The following TMEM131 variants were observed in gnomAD, a reference collection of about 807,000 sequenced individuals.
TMEM131 encodes transmembrane protein 131, also known as 2610524E03Rik.
A neutral mutation model predicts 211.6 loss-of-function variants in TMEM131; 66 were observed. The observed-to-expected ratio is 0.31, with a 90% CI of 0.26 to 0.38. TMEM131 has a LOEUF of 0.38. Ranked by LOEUF, TMEM131 falls within the 10% of genes least tolerant of loss-of-function variation. The probability of loss-of-function intolerance (pLI) is 1.00; values close to 1 mark genes in which losing one functional copy is unlikely to be tolerated. For missense variants in TMEM131, 2,036 were observed against 2,299.3 expected, an observed-to-expected ratio of 0.89 and a Z score of 2.34; for synonymous variants, 844 against 841.3, an observed-to-expected ratio of 1.00 and a Z score of -0.06.
At chr2:97,959,745 A>C (rs1167911349) in intron 1 of TMEM131, among the ~76,000 whole-genome samples, 1 of 152,210 alleles carries the variant, frequency 6.6e-6, no homozygotes, top group East Asian at 1.9e-4. Context: ...TAAAAAATAC[A>C]GTCGGTATTT....
At chr2:97,946,988 A>T (rs1678074302) in intron 1 of TMEM131, among the ~76,000 whole-genome samples, 1 of 152,074 alleles carries the variant, frequency 6.6e-6, no homozygotes, top group Admixed American at 6.5e-5. Flanking sequence ...AAAACAGACA[A>T]AAAACATTGG....
Position 97,836,804 on chromosome 2 carries a change from A to T in TMEM131, c.804+273T>A, listed in dbSNP as rs78231145. On this transcript the variant is annotated intron_variant, in intron 8 of 40. Coordinates refer to ENST00000186436, the MANE Select transcript of TMEM131 (RefSeq NM_015348.2). ...CAGACTCAGAGACAACTTTACCCAT[A>T]TAATTCGGAGGAAGAATAGCTGAAG... Among the ~76,000 whole-genome samples, 1,440 of 152,286 alleles carry T rather than the reference A, an allele frequency of 9.5e-3. 8 individuals are homozygous for T. Among genetic ancestry groups the T allele is most frequent in the Middle Eastern group, 0.024 (7 of 294 alleles).
intron 3 of TMEM131, among the ~76,000 whole-genome samples, chr2:97,900,732 G>A (rs1353138351): frequency 2.0e-5 from 3 of 152,018 alleles, no homozygotes; most frequent in African/African-American, 7.2e-5. Context: ...TATATACCTA[G>A]TTATGAATTT....
intron 1 of TMEM131, among the ~76,000 whole-genome samples, chr2:97,983,774 T>C (rs1439640574): frequency 1.3e-5 from 2 of 152,208 alleles, no homozygotes; most frequent in African/African-American, 2.4e-5. Context: ...TCTATGTTCG[T>C]CCCTTCGTTC....
chr2:97,943,100 A>AGAAAGAGC lies in TMEM131; in HGVS notation c.188-15614_188-15613insGCTCTTTC, dbSNP rs1491111163. Among the ~76,000 whole-genome samples, 8 of 149,676 alleles carry AGAAAGAGC rather than the reference A, an allele frequency of 5.3e-5. No homozygotes were observed. The East Asian group carries it at 9.8e-4, about 18-fold the overall frequency. The stretch of plus-strand genomic sequence containing the variant: ...AAGAAAGAAAGAAAGAAAGAAAGAA[A>AGAAAGAGC]GAGCTGGGTGTGGTGGTGCATGCCT... On this transcript the variant is annotated intron_variant, in intron 1 of 40. Coordinates refer to ENST00000186436, the MANE Select transcript of TMEM131 (RefSeq NM_015348.2).
intron 31 of TMEM131, among the ~76,000 whole-genome samples, chr2:97,782,733 AGAG>A (rs1680068714): frequency 6.6e-6 from 1 of 152,212 alleles, no homozygotes; most frequent in Admixed American, 6.5e-5. Flanking sequence ...ATAGCAGAAC[AGAG>A]GAGACAGGAA....
intron 4 of TMEM131, among the ~76,000 whole-genome samples, chr2:97,869,061 T>C (rs1304395061): frequency 6.6e-6 from 1 of 152,172 alleles, no homozygotes; most frequent in East Asian, 1.9e-4. Context: ...AATAAAAACA[T>C]CCTCCTTGCA....
chr2:97,924,533 G>T (rs1676896969), intron 2 of TMEM131, among the ~76,000 whole-genome samples: 1 of 152,144 alleles, frequency 6.6e-6, no homozygotes, highest in Non-Finnish European at 1.5e-5. Flanking sequence ...CCATCTCCCT[G>T]CCTGTGGTAC....
At chr2:97,939,213 C>A (rs991797765) in intron 1 of TMEM131, among the ~76,000 whole-genome samples, 19 of 151,966 alleles carry the variant, frequency 1.3e-4, no homozygotes, top group Non-Finnish European at 2.4e-4. Context: ...ACAAAAAAAA[C>A]CCTTCAAAAA....
intron 1 of TMEM131, among the ~76,000 whole-genome samples, chr2:97,936,942 TAAGAA>T (rs373925334): frequency 1.3e-3 from 203 of 152,040 alleles, no homozygotes; most frequent in Non-Finnish European, 2.1e-3. Context: ...TGGAGAATAT[TAAGAA>T]GAGAAAGAAA....
At chr2:97,827,604 A>T (rs1682464881) in intron 11 of TMEM131, 3 of 930,568 alleles carry the variant, frequency 3.2e-6, no homozygotes, top group Non-Finnish European at 5.3e-6. Flanking sequence ...TGTACAATCC[A>T]GAGGAATATT....
In TMEM131 at chr2:97,766,515, T is replaced by C; in HGVS notation, c.4536A>G (p.Thr1512=). The C allele has an allele frequency of 6.2e-7, 1 of 1,614,026 alleles. No individual in the cohort carries two copies. Among genetic ancestry groups the C allele is most frequent in the Non-Finnish European group, 8.5e-7 (1 of 1,179,892 alleles). ...GGGCATTTCGTGATTTGGATCCACT[T>C]GTCATTGCAGTTGGAAGAGGAATCT... ...PSKIPLPTAM[T]SGSKSRNAQK... The change falls in exon 34 of 41, where the codon ACA becomes ACG. Residue 1512 remains threonine (T), a synonymous_variant. Transcript: ENST00000186436.
chr2:97,827,242 G>A (rs1682443813), intron 11 of TMEM131: 17 of 771,394 alleles, frequency 2.2e-5, no homozygotes, highest in East Asian at 5.0e-5. Context: ...CTTCCCCGCC[G>A]CCAGGATGCC....
At chr2:97,951,940 C>T (rs1462951876) in intron 1 of TMEM131, among the ~76,000 whole-genome samples, 3 of 152,196 alleles carry the variant, frequency 2.0e-5, no homozygotes, top group East Asian at 1.9e-4. Context: ...GGGCAGATCA[C>T]GAGATCAGGA....
At chr2:97,813,474 G>A (rs969019791) in intron 15 of TMEM131, among the ~76,000 whole-genome samples, 2 of 151,982 alleles carry the variant, frequency 1.3e-5, no homozygotes, top group South Asian at 4.1e-4. Flanking sequence ...CTTATTTTCT[G>A]TACCAGGAGT....
intron 1 of TMEM131, among the ~76,000 whole-genome samples, chr2:97,929,135 G>A (rs562644683): frequency 6.6e-6 from 1 of 151,584 alleles, no homozygotes; most frequent in East Asian, 1.9e-4. Context: ...GGAAATACAC[G>A]AGATGAGAAT....
chr2:97,818,516 A>G (rs1266054587), intron 12 of TMEM131, 97 bp downstream of exon 12: 2 of 630,480 alleles, frequency 3.2e-6, no homozygotes, highest in African/African-American at 4.0e-5. Flanking sequence ...TCTGATGGTA[A>G]AACAGTTTGG....
At chr2:97,819,710 A>C (rs1017815654) in intron 11 of TMEM131, among the ~76,000 whole-genome samples, 5 of 152,210 alleles carry the variant, frequency 3.3e-5, no homozygotes, top group Non-Finnish European at 7.3e-5. Context: ...TGAATTATGA[A>C]GGGCTTTAAA....
chr2:97,785,635 T>G (rs2104857005), intron 31 of TMEM131, among the ~76,000 whole-genome samples: 1 of 152,326 alleles, frequency 6.6e-6, no homozygotes, highest in African/African-American at 2.4e-5. Context: ...AATATGCAAC[T>G]ATCATAAGAC....
Sources: allele counts gnomAD v4.1 joint callset (sites outside exome capture counted in the v4.1 genomes callset), GRCh38; gene constraint gnomAD v4.1.1; transcripts MANE v1.5; gene names NCBI Gene and HGNC (gene_info 2026-07-23, HGNC 2026-07-21).